Variants in CAST observed in about 807,000 individuals in gnomAD.
The protein encoded by CAST is calpastatin.
A neutral mutation model predicts 119.6 loss-of-function variants in CAST; 76 were observed. The observed-to-expected ratio is 0.64, with a 90% CI of 0.53 to 0.77. The LOEUF is 0.77. Among genes scored for constraint, CAST ranks in the 30% least tolerant of loss-of-function variants. The probability of loss-of-function intolerance (pLI) is 0.00; values close to 1 mark genes in which losing one functional copy is unlikely to be tolerated. For missense variants in CAST, 953 were observed against 946.5 expected (o/e 1.01, Z -0.09); for synonymous variants, 319 against 331.6 (o/e 0.96, Z 0.41).
the CAST span, among the ~76,000 whole-genome samples, chr5:96,049,896 A>G: frequency 7.4e-6 from 1 of 135,008 alleles, no homozygotes; most frequent in East Asian, 2.1e-4. Flanking sequence ...AGGCAAAAAA[A>G]AAAAAAAAAA....
At chr5:96,652,330 A>G (rs1287765422) in intron 1 of CAST, among the ~76,000 whole-genome samples, 1 of 152,260 alleles carries the variant, frequency 6.6e-6, no homozygotes, top group African/African-American at 2.4e-5. Context: ...TGGTATAAAA[A>G]TAACACACGT....
chr5:96,044,944 G>C, the CAST span, among the ~76,000 whole-genome samples: 1 of 152,232 alleles, frequency 6.6e-6, no homozygotes, highest in East Asian at 1.9e-4. Context: ...GAAGTCAAGA[G>C]AGTGGTTACC....
chr5:96,079,994 G>A, the CAST span, among the ~76,000 whole-genome samples: 1 of 152,266 alleles, frequency 6.6e-6, no homozygotes, highest in Non-Finnish European at 1.5e-5. Flanking sequence ...GGTTTTGTAA[G>A]TATATTTGTA....
intron 1 of CAST, among the ~76,000 whole-genome samples, chr5:96,638,100 T>G (rs1204173864): frequency 6.6e-6 from 1 of 152,184 alleles, no homozygotes; most frequent in East Asian, 1.9e-4. Context: ...GGTGTTTTTA[T>G]GCACTAAGCA....
intron 1 of CAST, among the ~76,000 whole-genome samples, chr5:96,536,619 T>C (rs999454727): frequency 6.6e-6 from 1 of 152,226 alleles, no homozygotes; most frequent in African/African-American, 2.4e-5. Flanking sequence ...AGAAAATCCA[T>C]GGATTTCCAG....
At chr5:96,086,702 G>A in the CAST span, among the ~76,000 whole-genome samples, 1 of 152,190 alleles carries the variant, frequency 6.6e-6, no homozygotes, top group South Asian at 2.1e-4. Context: ...CTTTTTCTCA[G>A]CTCTGTTTCT....
the CAST span, among the ~76,000 whole-genome samples, chr5:96,465,301 CTG>C: frequency 1.3e-5 from 2 of 151,898 alleles, no homozygotes; most frequent in Non-Finnish European, 2.9e-5. Flanking sequence ...AATAAGGACA[CTG>C]TGGATTCTTT....
At chr5:96,500,833 G>C in the CAST span, among the ~76,000 whole-genome samples, 12 of 152,174 alleles carry the variant, frequency 7.9e-5, no homozygotes, top group Non-Finnish European at 1.5e-5. Context: ...CTTAAATGTG[G>C]GTTGTGATAA....
At chr5:96,230,604 A>G in the CAST span, among the ~76,000 whole-genome samples, 1 of 152,140 alleles carries the variant, frequency 6.6e-6, no homozygotes, top group Non-Finnish European at 1.5e-5. Context: ...TTTCTTCGAT[A>G]TGACTCCAAA....
chr5:96,473,359 A>C, the CAST span, among the ~76,000 whole-genome samples: 1 of 152,256 alleles, frequency 6.6e-6, no homozygotes, highest in Non-Finnish European at 1.5e-5. Context: ...AGATTGCCTG[A>C]GGGGCTCAGA....
intron 2 of CAST, 182 bp downstream of exon 2, chr5:96,675,783 TG>T: frequency 1.8e-6 from 1 of 542,376 alleles, no homozygotes; most frequent in African/African-American, 1.9e-5. Flanking sequence ...TAAAAAAAAT[TG>T]TTCCTGGGAA....
At chr5:96,297,847 C>T in the CAST span, among the ~76,000 whole-genome samples, 32 of 152,008 alleles carry the variant, frequency 2.1e-4, no homozygotes, top group Non-Finnish European at 3.2e-4. Context: ...CTATAAGACC[C>T]GGGAGCACTA....
At chr5:96,197,391 G>A in the CAST span, among the ~76,000 whole-genome samples, 2 of 152,056 alleles carry the variant, frequency 1.3e-5, no homozygotes, top group Non-Finnish European at 2.9e-5. Context: ...TTTTCTGAGG[G>A]GTTTATTTTT....
In CAST at chr5:96,757,615, G is replaced by C; in HGVS notation, c.1794G>C (p.Leu598Phe). The change falls in exon 24 of 32, where the codon TTG (leucine) becomes TTC (phenylalanine). Residue 598 changes from leucine (L) to phenylalanine (F), a missense_variant. Leu to Phe is a conservative substitution (Grantham distance 22, BLOSUM62 0). Transcript: ENST00000675179. ...GTGAAGACTTCCTTCTGGATGCTTTGTCTGAGGACTTCTCTGGTCCACAAA... is the reference window on the plus strand; with the variant it reads ...GTGAAGACTTCCTTCTGGATGCTTTCTCTGAGGACTTCTCTGGTCCACAAA... ...PMSEDFLLDA[L>F]SEDFSGPQNA... 6.2e-7 allele frequency: 1 copy of C among 1,613,414 alleles called. No individual in the cohort carries two copies. The highest frequency in any genetic ancestry group is 1.1e-5 in the South Asian group (1 of 91,058).
At chr5:96,596,933 G>T (rs1323649577) in intron 1 of CAST, among the ~76,000 whole-genome samples, 1 of 152,156 alleles carries the variant, frequency 6.6e-6, no homozygotes, top group Non-Finnish European at 1.5e-5. Context: ...GATCTCTGTT[G>T]TCTCTTCCTC....
chr5:96,349,137 C>CTTTTTTTTTTTTTTT, the CAST span, among the ~76,000 whole-genome samples: 8 of 31,312 alleles, frequency 2.6e-4, no homozygotes, highest in Non-Finnish European at 4.1e-4. Flanking sequence ...AACAAGGACA[C>CTTTTTTTTTTTTTTT]TATTTTTTTT....
At chr5:96,273,521 T>G in the CAST span, among the ~76,000 whole-genome samples, 1 of 152,236 alleles carries the variant, frequency 6.6e-6, no homozygotes, top group Non-Finnish European at 1.5e-5. Context: ...GGCCTGTCGA[T>G]GAATGACAAA....
At chr5:96,637,453 G>A (rs1747900928) in intron 1 of CAST, among the ~76,000 whole-genome samples, 2 of 152,182 alleles carry the variant, frequency 1.3e-5, no homozygotes, top group South Asian at 4.1e-4. Context: ...TAGTCTGTGA[G>A]TGGGTAAATG....
the CAST span, among the ~76,000 whole-genome samples, chr5:96,313,784 AT>A: frequency 1.3e-5 from 2 of 150,176 alleles, no homozygotes; most frequent in Non-Finnish European, 1.5e-5. Context: ...GCACTGTCAG[AT>A]TTTTTTTTTA....
Sources: allele counts gnomAD v4.1 joint callset (sites outside exome capture counted in the v4.1 genomes callset), GRCh38; gene constraint gnomAD v4.1.1; transcripts MANE v1.5; gene names NCBI Gene and HGNC (gene_info 2026-07-23, HGNC 2026-07-21).